COL25A1: variants seen among roughly 807,000 people sequenced by gnomAD.
COL25A1 encodes collagen alpha-1(XXV) chain.
Under a neutral mutation model 128.4 loss-of-function variants are expected in COL25A1, and 103 were observed. That is an observed-to-expected ratio of 0.80 (90% CI 0.68 to 0.94). COL25A1 has a LOEUF of 0.94. Ranked by LOEUF, COL25A1 falls within the 40% of genes least tolerant of loss-of-function variation. COL25A1 has a pLI of 0.00. For synonymous variants in COL25A1, 279 were observed against 277.2 expected, an observed-to-expected ratio of 1.01 and a Z score of -0.06; for missense variants, 745 against 840.0, an observed-to-expected ratio of 0.89 and a Z score of 1.40.
chr4:109,162,172 GA>G (rs1477425158), intron 3 of COL25A1, among the ~76,000 whole-genome samples: 1 of 152,192 alleles, frequency 6.6e-6, no homozygotes, highest in Non-Finnish European at 1.5e-5. Context: ...AATATATCAG[GA>G]AAGGCTTCCC....
intron 11 of COL25A1, among the ~76,000 whole-genome samples, chr4:108,929,918 AATGAC>A (rs1361870448): frequency 6.6e-6 from 1 of 152,182 alleles, no homozygotes. Context: ...CTTGGGGCAT[AATGAC>A]ATGACATCAA....
chr4:109,094,905 G>A (rs1765261926), intron 3 of COL25A1, among the ~76,000 whole-genome samples: 1 of 152,130 alleles, frequency 6.6e-6, no homozygotes, highest in South Asian at 2.1e-4. Context: ...GATTAGACAA[G>A]AACAAATCAG....
At chr4:108,875,282 G>A (rs1739305936) in intron 19 of COL25A1, among the ~76,000 whole-genome samples, 1 of 152,194 alleles carries the variant, frequency 6.6e-6, no homozygotes, top group African/African-American at 2.4e-5. Context: ...GCAACCTACA[G>A]AATGGGAGAA....
Position 108,899,149 on chromosome 4 carries a change from C to CGG in COL25A1, c.861+4_861+5insCC. 1.2e-6 allele frequency: 2 copies of CGG among 1,609,364 alleles called. No individual in the cohort carries two copies. Among genetic ancestry groups the CGG allele is most frequent in the Non-Finnish European group, 1.7e-6 (2 of 1,177,804 alleles). On this transcript the variant is annotated splice_donor_region_variant and intron_variant, in intron 15 of 37. Coordinates refer to ENST00000399132, the MANE Select transcript of COL25A1 (RefSeq NM_198721.4). ...AGAGAGAAATACAGGCAGAATCATT[C>CGG]TTACCTTTTCACCTTGTTCTCCAGG...
chr4:109,068,443 G>C (rs979845382), intron 3 of COL25A1, among the ~76,000 whole-genome samples: 1 of 152,048 alleles, frequency 6.6e-6, no homozygotes. Context: ...CAGGGAAGAG[G>C]AGGGAGGTAG....
intron 3 of COL25A1, among the ~76,000 whole-genome samples, chr4:109,091,599 G>A: frequency 6.6e-6 from 1 of 152,042 alleles, no homozygotes; most frequent in East Asian, 1.9e-4. Flanking sequence ...CACAGCAATA[G>A]AGTTCTCAAG....
Position 108,811,136 on chromosome 4 carries a change from C to T in COL25A1, c.*2791G>A, listed in dbSNP as rs1285012079. ...TCAACACATATCAACAAACACAATT[C>T]TTTCATTCACTTAGAAATTATTTAA... On this transcript the variant is annotated 3_prime_UTR_variant, in exon 38 of 38. Coordinates refer to ENST00000399132, the MANE Select transcript of COL25A1 (RefSeq NM_198721.4). 1 of 152,020 alleles carries T rather than the reference C, an allele frequency of 6.6e-6. No homozygotes were observed. The highest frequency in any genetic ancestry group is 1.9e-4 in the East Asian group (1 of 5,192). 9.4% of individuals were successfully genotyped at this position (152,020 alleles called of 1,614,324 possible).
chr4:109,002,600 C>A (rs1755553413), intron 6 of COL25A1, among the ~76,000 whole-genome samples: 1 of 152,082 alleles, frequency 6.6e-6, no homozygotes, highest in South Asian at 2.1e-4. Context: ...ACAAGATGAA[C>A]AAGTTCTGAG....
In COL25A1 at chr4:108,810,611, T is replaced by A. The variant is rs2125696802; in HGVS notation, c.*3316A>T. 6.6e-6 allele frequency: 1 copy of A among 152,108 alleles called. No individual in the cohort carries two copies. Among genetic ancestry groups the A allele is most frequent in the African/African-American group, 2.4e-5 (1 of 41,566 alleles). 9.4% of individuals were successfully genotyped at this position (152,108 alleles called of 1,614,324 possible). ...TTCTCTGATGCTAGTTTTGTCATGT[T>A]TCATCAAATCATATAAACTAAAAGA... On this transcript the variant is annotated 3_prime_UTR_variant, in exon 38 of 38. Transcript: ENST00000399132.
At chr4:109,132,267 A>T (rs1260942811) in intron 3 of COL25A1, among the ~76,000 whole-genome samples, 1 of 152,118 alleles carries the variant, frequency 6.6e-6, no homozygotes, top group Non-Finnish European at 1.5e-5. Context: ...ACATAAATTT[A>T]CATGGTTTGT....
chr4:108,908,641 C>A (rs1383834920), intron 13 of COL25A1, among the ~76,000 whole-genome samples: 1 of 152,180 alleles, frequency 6.6e-6, no homozygotes, highest in Non-Finnish European at 1.5e-5. Context: ...GCTCATCTTG[C>A]CCGCTGCCCA....
chr4:109,176,817 C>A lies in COL25A1; in HGVS notation c.367+123766G>T, dbSNP rs1258357914. Among the ~76,000 whole-genome samples, 5 of 152,066 alleles carry A rather than the reference C, an allele frequency of 3.3e-5. No homozygotes were observed. The East Asian group carries it at 7.8e-4, about 24-fold the overall frequency. On this transcript the variant is annotated intron_variant, in intron 3 of 37. Transcript: ENST00000399132. ...AGAGGAGGAACATAGAGGAGAAGGCCACGTGAAGAGAGAGGCAGAGGCAGG... is the reference window on the plus strand; with the variant it reads ...AGAGGAGGAACATAGAGGAGAAGGCAACGTGAAGAGAGAGGCAGAGGCAGG...
At chr4:108,835,433 AT>A (rs1163988665) in intron 31 of COL25A1, among the ~76,000 whole-genome samples, 2 of 152,000 alleles carry the variant, frequency 1.3e-5, no homozygotes, top group African/African-American at 4.8e-5. Flanking sequence ...GGAAAAAAAA[AT>A]CTATTCCAGA....
At chr4:109,155,204 A>G (rs1452231114) in intron 3 of COL25A1, among the ~76,000 whole-genome samples, 2 of 152,216 alleles carry the variant, frequency 1.3e-5, no homozygotes, top group Non-Finnish European at 2.9e-5. Flanking sequence ...TGCTTCTACT[A>G]TTCAGAAACA....
chr4:108,986,871 G>C (rs1349842533), intron 6 of COL25A1, among the ~76,000 whole-genome samples: 1 of 152,028 alleles, frequency 6.6e-6, no homozygotes, highest in Non-Finnish European at 1.5e-5. Flanking sequence ...TCATATTTCA[G>C]TATTTGTAAA....
At chr4:109,163,191 C>T (rs1007678634) in intron 3 of COL25A1, among the ~76,000 whole-genome samples, 5 of 152,160 alleles carry the variant, frequency 3.3e-5, no homozygotes, top group African/African-American at 1.2e-4. Flanking sequence ...TTCTGGGCAT[C>T]CCAGGCTAAG....
At chr4:108,836,219 G>C (rs1302327041) in intron 31 of COL25A1, among the ~76,000 whole-genome samples, 2 of 151,994 alleles carry the variant, frequency 1.3e-5, no homozygotes, top group African/African-American at 4.8e-5. Flanking sequence ...ATATATTGTT[G>C]TTCATTTGTT....
At chr4:109,300,736 T>C in intron 2 of COL25A1, 84 bp from the exon 3 acceptor site, 1 of 884,212 alleles carries the variant, frequency 1.1e-6, no homozygotes, top group Non-Finnish European at 1.9e-6. Flanking sequence ...ATACGCCTGA[T>C]TTACCGGCAT....
chr4:109,047,728 C>CCTTTTTTTTTTTTTT (rs1560593898), intron 5 of COL25A1, among the ~76,000 whole-genome samples: 1 of 132,194 alleles, frequency 7.6e-6, no homozygotes. Flanking sequence ...TAAGTATACT[C>CCTTTTTTTTTTTTTT]TTTTTTTTTT....
Sources: gnomAD v4.1 joint callset for allele counts (sites outside exome capture counted in the v4.1 genomes callset) on GRCh38, gnomAD v4.1.1 for gene constraint, MANE v1.5 for transcripts, NCBI Gene and HGNC (gene_info 2026-07-23, HGNC 2026-07-21) for gene names.